Variants in COL16A1 observed in about 807,000 individuals in gnomAD.
The protein encoded by COL16A1 is collagen alpha-1(XVI) chain.
A neutral mutation model predicts 266.3 loss-of-function variants in COL16A1; 189 were observed. That is an observed-to-expected ratio of 0.71 (90% CI 0.63 to 0.80). The LOEUF is 0.80. COL16A1 is among the 30% of genes least tolerant of loss of function. The pLI, the probability that COL16A1 is intolerant of heterozygous loss-of-function variation, is 0.00. For synonymous variants in COL16A1, 740 were observed against 782.3 expected, an observed-to-expected ratio of 0.95 and a Z score of 0.90; for missense variants, 1,928 against 2,122.4, an observed-to-expected ratio of 0.91 and a Z score of 1.80.
rs1470197821 is a variant in COL16A1 at position 31,688,744 on chromosome 1, C to T, written c.1767+117G>A. On this transcript the variant is annotated intron_variant, in intron 25 of 70. Transcript: ENST00000373672. This position sits in a 1 kb window ranked among gnomAD's most constrained non-coding sequence, Gnocchi z 4.9. Reference sequence around the variant, plus strand: ...CCAGGAGACAGGCCTGGGACACCTGCCTCTTCCCCTCCCTCCTGATCCCTG... The same window carrying T: ...CCAGGAGACAGGCCTGGGACACCTGTCTCTTCCCCTCCCTCCTGATCCCTG... 8.4e-7 allele frequency: 1 copy of T among 1,189,346 alleles called. No individual in the cohort carries two copies. Among genetic ancestry groups the T allele is most frequent in the Non-Finnish European group, 1.2e-6 (1 of 834,840 alleles). 73.7% of individuals were successfully genotyped at this position (1,189,346 alleles called of 1,614,324 possible).
Position 31,679,649 on chromosome 1 carries a change from CA to C in COL16A1, c.2754del (p.Gly919GlufsTer122). ...CCCTTTACCTGCAGCCCAGGTACTC[CA>C]GGGGGGCCTGGTGGTCCGGGAATAC... ...PPGIPGPPGP[P>X]GVPGLQGVPG... On this transcript the variant is annotated frameshift_variant, in exon 42 of 71. Coordinates refer to ENST00000373672, the MANE Select transcript of COL16A1 (RefSeq NM_001856.4). LOFTEE classifies it high-confidence loss of function. The C allele has an allele frequency of 6.2e-7, 1 of 1,614,190 alleles. No homozygotes were observed. Among genetic ancestry groups the C allele is most frequent in the East Asian group, 2.2e-5 (1 of 44,890 alleles).
At chr1:31,695,960 T>C in intron 9 of COL16A1, 128 bp downstream of exon 9, 1 of 1,029,458 alleles carries the variant, frequency 9.7e-7, no homozygotes, top group Non-Finnish European at 1.5e-6. Flanking sequence ...CTACATGTCC[T>C]AAGCTCTGTC....
intron 10 of COL16A1, 75 bp from the exon 11 acceptor site, chr1:31,695,296 G>A (rs1329052884): frequency 7.1e-7 from 1 of 1,413,532 alleles, no homozygotes; most frequent in African/African-American, 1.4e-5. Flanking sequence ...ATCACCACCA[G>A]GCCCACAGAA....
chr1:31,691,745 C>A, intron 17 of COL16A1, 103 bp from the exon 18 acceptor site: 1 of 1,433,774 alleles, frequency 7.0e-7, no homozygotes, highest in African/African-American at 1.4e-5. Flanking sequence ...CTGCCCCTCC[C>A]CCAAACCAGA....
rs1226471414 is a variant in COL16A1, at chr1:31,703,948, C to A, written c.-146G>T. 6.6e-6 allele frequency: 1 copy of A among 152,350 alleles called. No individual in the cohort carries two copies. The highest frequency in any genetic ancestry group is 1.5e-5 in the Non-Finnish European group (1 of 68,138). 9.4% of individuals were successfully genotyped at this position (152,350 alleles called of 1,614,324 possible). A position where few individuals can be genotyped will look rare whatever the true frequency, so the allele number is the denominator to read the frequency against. Reference sequence around the variant, plus strand: ...GTTCTCTATCTCTCCGTGACGGTCACGGGTCCCCAGCTTCCTGGCGCTCGA... The same window carrying A: ...GTTCTCTATCTCTCCGTGACGGTCAAGGGTCCCCAGCTTCCTGGCGCTCGA... On this transcript the variant is annotated 5_prime_UTR_variant, in exon 1 of 71. Transcript: ENST00000373672.
In COL16A1 at chr1:31,668,950, C is replaced by A; in HGVS notation, c.3196-95G>T. On this transcript the variant is annotated intron_variant, in intron 49 of 70. Coordinates refer to ENST00000373672, the MANE Select transcript of COL16A1 (RefSeq NM_001856.4). The surrounding 1 kb of genome is among the most constrained non-coding windows in gnomAD (Gnocchi z 5.8). Reference sequence around the variant, plus strand: ...TGCCCCACTGCCTTCTGTTCCCACTCCAGGCAAATATGGAGGCCATAGTGG... The same window carrying A: ...TGCCCCACTGCCTTCTGTTCCCACTACAGGCAAATATGGAGGCCATAGTGG... 9.0e-7 allele frequency: 1 copy of A among 1,115,098 alleles called. No individual in the cohort carries two copies. Among genetic ancestry groups the A allele is most frequent in the Non-Finnish European group, 1.3e-6 (1 of 769,490 alleles). The allele number at this position is 1,115,098 out of a possible 1,614,324, so 69.1% of individuals were successfully genotyped here.
At position 31,702,213 on chromosome 1, in the gene COL16A1, C is replaced by G. The variant is rs1644748827; in HGVS notation, c.-20G>C. On this transcript the variant is annotated 5_prime_UTR_variant, in exon 2 of 71. Transcript: ENST00000373672. ...CCACATCCCGGTCCAAAGAGGTCAG[C>G]TACAGCCACAGCACCTGAAAACCAC... 6.2e-7 allele frequency: 1 copy of G among 1,613,880 alleles called. No homozygotes were observed. The highest frequency in any genetic ancestry group is 1.7e-5 in the Admixed American group (1 of 60,000).
Position 31,658,975 on chromosome 1 carries a change from A to G in COL16A1, c.3880-11T>C. 2.6e-6 allele frequency: 4 copies of G among 1,552,980 alleles called. No individual in the cohort carries two copies. The highest frequency in any genetic ancestry group is 3.5e-6 in the Non-Finnish European group (4 of 1,147,678). On this transcript the variant is annotated splice_polypyrimidine_tract_variant and intron_variant, in intron 62 of 70. Transcript: ENST00000373672. ...AGGCCCTGGTGGCCCCTAAAGAGAG[A>G]TGAGTCAGTGGGATAGAAACAGGTT...
At chr1:31,673,629 A>G (rs925866242) in intron 44 of COL16A1, among the ~76,000 whole-genome samples, 1 of 152,260 alleles carries the variant, frequency 6.6e-6, no homozygotes, top group Admixed American at 6.5e-5. Flanking sequence ...AGCCCTGCAC[A>G]TTATCACATG....
rs1570413594 is a variant in COL16A1, at chr1:31,668,979, T to C, written c.3196-124A>G. On this transcript the variant is annotated intron_variant, in intron 49 of 70. Transcript: ENST00000373672. The surrounding 1 kb of genome is among the most constrained non-coding windows in gnomAD (Gnocchi z 5.8). ...GCAAATATGGAGGCCATAGTGGCTCTCGTAGTGTCCCTAGAAGGTGACCCG... is the reference window on the plus strand; with the variant it reads ...GCAAATATGGAGGCCATAGTGGCTCCCGTAGTGTCCCTAGAAGGTGACCCG... The C allele has an allele frequency of 2.5e-6, 2 of 810,490 alleles. No individual in the cohort carries two copies. The highest frequency in any genetic ancestry group is 3.9e-6 in the Non-Finnish European group (2 of 514,380). The allele number at this position is 810,490 out of a possible 1,614,324, so 50.2% of individuals were successfully genotyped here. A position where few individuals can be genotyped will look rare whatever the true frequency, so the allele number is the denominator to read the frequency against.
At chr1:31,658,851 G>A in intron 63 of COL16A1, 63 bp downstream of exon 63, 2 of 1,523,056 alleles carry the variant, frequency 1.3e-6, no homozygotes, top group Non-Finnish European at 8.9e-7. Context: ...CCTCTGAATG[G>A]AGCCCACAGT....
chr1:31,661,733 CAA>C (rs765910711), intron 58 of COL16A1, 29 bp from the exon 59 acceptor site: 1 of 1,588,004 alleles, frequency 6.3e-7, no homozygotes, highest in Non-Finnish European at 8.5e-7. Context: ...AGGATTGAGA[CAA>C]GAGTTTTGCC....
intron 8 of COL16A1, 125 bp from the exon 9 acceptor site, chr1:31,696,266 C>T: frequency 2.5e-6 from 2 of 806,608 alleles, no homozygotes; most frequent in East Asian, 2.6e-5. Context: ...CTGGCACCTC[C>T]TGGGGCATCA....
intron 59 of COL16A1, 68 bp from the exon 60 acceptor site, chr1:31,661,526 C>G: frequency 1.9e-6 from 3 of 1,613,586 alleles, no homozygotes; most frequent in Non-Finnish European, 2.5e-6. Context: ...ACTCCTCCTT[C>G]CTCAGTTCAA....
At position 31,652,698 on chromosome 1, in the gene COL16A1, C is replaced by T. The variant is rs1354484952; in HGVS notation, c.4768G>A (p.Glu1590Lys). The T allele has an allele frequency of 6.2e-7, 1 of 1,605,916 alleles. No individual in the cohort carries two copies. The highest frequency in any genetic ancestry group is 1.3e-5 in the African/African-American group (1 of 74,586). Reference sequence around the variant, plus strand: ...GTTTTCATGGGTGGGTACTGCTGCTCCATCGGCATGGCCCCAAAGCAGTCA... The same window carrying T: ...GTTTTCATGGGTGGGTACTGCTGCTTCATCGGCATGGCCCCAAAGCAGTCA... ...PSDCFGAMPM[E>K]QQYPPMKTMK... Residue 1590 changes from glutamate to lysine, a missense_variant, in exon 71 of 71, where the codon GAG (glutamate) becomes AAG (lysine). Physicochemically the swap from Glu to Lys is moderately conservative, Grantham distance 56. This residue lies in a region of COL16A1 where 376 missense variants were observed against 485.2 expected (regional missense o/e 0.77). Transcript: ENST00000373672. This position sits in a 1 kb window ranked among gnomAD's most constrained non-coding sequence, Gnocchi z 4.8.
intron 63 of COL16A1, 85 bp from the exon 64 acceptor site, chr1:31,658,662 T>C: frequency 7.8e-7 from 1 of 1,283,396 alleles, no homozygotes; most frequent in South Asian, 1.3e-5. Context: ...CACCCCATCG[T>C]GTGCCAGGGA....
Position 31,670,648 on chromosome 1 carries a change from T to G in COL16A1, c.3151-2A>C. On this transcript the variant is annotated splice_acceptor_variant, in intron 48 of 70. Coordinates refer to ENST00000373672, the MANE Select transcript of COL16A1 (RefSeq NM_001856.4). LOFTEE classifies it high-confidence loss of function. The surrounding 1 kb of genome is among the most constrained non-coding windows in gnomAD (Gnocchi z 4.5). Reference sequence around the variant, plus strand: ...AGCACCAGGAAAACCTGGGGGGCCCTGGTGGGAGAAACAGGCAGGTCACAT... The same window carrying G: ...AGCACCAGGAAAACCTGGGGGGCCCGGGTGGGAGAAACAGGCAGGTCACAT... The G allele has an allele frequency of 7.0e-7, 1 of 1,432,128 alleles. No homozygotes were observed. The highest frequency in any genetic ancestry group is 9.1e-7 in the Non-Finnish European group (1 of 1,097,726). 88.7% of individuals were successfully genotyped at this position (1,432,128 alleles called of 1,614,324 possible).
chr1:31,697,421 G>A lies in COL16A1; in HGVS notation c.658-121C>T. 1.0e-6 allele frequency: 1 copy of A among 983,708 alleles called. No individual in the cohort carries two copies. Among genetic ancestry groups the A allele is most frequent in the Non-Finnish European group, 1.5e-6 (1 of 677,338 alleles). 60.9% of individuals were successfully genotyped at this position (983,708 alleles called of 1,614,324 possible). ...GTGACCTCAGGGTGTTTCCAGTCTG[G>A]CCTGGGAGACATCAAAAATAGAGTT... On this transcript the variant is annotated intron_variant, in intron 6 of 70. Coordinates refer to ENST00000373672, the MANE Select transcript of COL16A1 (RefSeq NM_001856.4). The surrounding 1 kb of genome is among the most constrained non-coding windows in gnomAD (Gnocchi z 4.2).
At chr1:31,700,424 T>C (rs1644683845) in intron 2 of COL16A1, among the ~76,000 whole-genome samples, 1 of 152,192 alleles carries the variant, frequency 6.6e-6, no homozygotes, top group South Asian at 2.1e-4. Flanking sequence ...AGTCAGGAGC[T>C]AGGCCAGCAA....
Sources: gnomAD v4.1 joint callset for allele counts (sites outside exome capture counted in the v4.1 genomes callset) on GRCh38, gnomAD v4.1.1 for gene constraint, gnomAD v4.1.1 regional missense constraint, Gnocchi (gnomAD v3.1) non-coding constraint, MANE v1.5 for transcripts, NCBI Gene and HGNC (gene_info 2026-07-23, HGNC 2026-07-21) for gene names.